Variants in GALNT17 observed in about 807,000 individuals in gnomAD.
The protein encoded by GALNT17 is UDP-GalNAc:polypeptide N-acetylgalactosaminyltransferase-like 3.
GALNT17 carries 29 observed loss-of-function variants against 63.7 expected under a neutral mutation model. That is an observed-to-expected ratio of 0.46 (90% CI 0.34 to 0.62). GALNT17 has a LOEUF of 0.62. GALNT17 is among the 20% of genes least tolerant of loss of function. The pLI, the probability that GALNT17 is intolerant of heterozygous loss-of-function variation, is 0.01. For missense variants in GALNT17, 603 were observed against 799.6 expected (o/e 0.75, Z 2.97); for synonymous variants, 305 against 318.3 (o/e 0.96, Z 0.45).
intron 6 of GALNT17, among the ~76,000 whole-genome samples, chr7:71,635,070 G>A (rs975220428): frequency 1.4e-4 from 22 of 151,812 alleles, no homozygotes; most frequent in Non-Finnish European, 2.8e-4. Flanking sequence ...AGCTGGGCAT[G>A]GTGGCAGGCG....
chr7:71,693,008 G>A (rs1274695656), intron 9 of GALNT17, among the ~76,000 whole-genome samples: 1 of 151,558 alleles, frequency 6.6e-6, no homozygotes, highest in Non-Finnish European at 1.5e-5. Flanking sequence ...CAAAGTGCAT[G>A]AGCCACCGCA....
chr7:71,239,299 C>CA (rs59708854), intron 1 of GALNT17, among the ~76,000 whole-genome samples: 14,227 of 119,088 alleles, frequency 0.12, 715 homozygotes, highest in African/African-American at 0.16. Context: ...GTCTGTACCC[C>CA]CCCCCAAAAA....
chr7:71,548,663 T>TC (rs1387816948), intron 5 of GALNT17, among the ~76,000 whole-genome samples: 1 of 152,188 alleles, frequency 6.6e-6, no homozygotes, highest in Non-Finnish European at 1.5e-5. Flanking sequence ...TCGTGAGGCC[T>TC]CCCCAGCCAT....
chr7:71,369,787 G>C (rs534612028), intron 2 of GALNT17, among the ~76,000 whole-genome samples: 1 of 143,648 alleles, frequency 7.0e-6, no homozygotes, highest in Non-Finnish European at 1.5e-5. Context: ...GCTCCAGCCT[G>C]GGTGACATAG....
intron 5 of GALNT17, among the ~76,000 whole-genome samples, chr7:71,563,645 G>C (rs1789292377): frequency 6.6e-6 from 1 of 152,030 alleles, no homozygotes; most frequent in South Asian, 2.1e-4. Context: ...CTGGAGTACA[G>C]TGGTGCAATT....
intron 6 of GALNT17, among the ~76,000 whole-genome samples, chr7:71,601,304 G>A (rs1453526109): frequency 1.3e-5 from 2 of 152,100 alleles, no homozygotes; most frequent in East Asian, 1.9e-4. Context: ...TAACAGTAGT[G>A]GGACTGCTGG....
intron 5 of GALNT17, among the ~76,000 whole-genome samples, chr7:71,508,831 C>T (rs1482661272): frequency 6.6e-6 from 1 of 152,142 alleles, no homozygotes; most frequent in African/African-American, 2.4e-5. Context: ...GCTGGTTTTG[C>T]AGTTTGCTTA....
chr7:71,382,992 T>C (rs1563052300), intron 2 of GALNT17, among the ~76,000 whole-genome samples: 2 of 152,146 alleles, frequency 1.3e-5, no homozygotes, highest in East Asian at 3.9e-4. Flanking sequence ...CTGCACCCAA[T>C]CACAATAATT....
At chr7:71,323,267 G>GT (rs1057143881) in intron 1 of GALNT17, among the ~76,000 whole-genome samples, 15 of 152,158 alleles carry the variant, frequency 9.9e-5, no homozygotes, top group Admixed American at 5.2e-4. Context: ...GGAATGCAGT[G>GT]TACCACAAGG....
In GALNT17 at chr7:71,377,108, A is replaced by ATATATAT. The variant is rs1491192562; in HGVS notation, c.423-11127_423-11126insTATATAT. ...CTCAAAAAAAAAAAAAAATAAAAAT[A>ATATATAT]AAAAAAATATATATATATATATATA... On this transcript the variant is annotated intron_variant, in intron 2 of 10. Coordinates refer to ENST00000333538, the MANE Select transcript of GALNT17 (RefSeq NM_022479.3). Among the ~76,000 whole-genome samples, 21 of 45,072 alleles carry ATATATAT rather than the reference A, an allele frequency of 4.7e-4. 2 individuals are homozygous for ATATATAT. Among genetic ancestry groups the ATATATAT allele is most frequent in the African/African-American group, 1.8e-3 (15 of 8,284 alleles). 29.6% of individuals were successfully genotyped at this position (45,072 alleles called of 152,430 possible).
intron 5 of GALNT17, among the ~76,000 whole-genome samples, chr7:71,474,761 C>T (rs1275207784): frequency 6.6e-6 from 1 of 152,178 alleles, no homozygotes; most frequent in African/African-American, 2.4e-5. Context: ...CCAAGATACC[C>T]ACATTCCAAT....
At chr7:71,677,139 T>G in intron 8 of GALNT17, 72 bp from the exon 9 acceptor site, 1 of 1,508,768 alleles carries the variant, frequency 6.6e-7, no homozygotes, top group Non-Finnish European at 9.2e-7. Flanking sequence ...CAAGCCATGG[T>G]AGAACAGTGA....
At chr7:71,501,119 C>T (rs1215358179) in intron 5 of GALNT17, among the ~76,000 whole-genome samples, 1 of 151,724 alleles carries the variant, frequency 6.6e-6, no homozygotes, top group African/African-American at 2.4e-5. Context: ...ACACGCGCTA[C>T]CACCATGCTC....
chr7:71,388,197 T>C (rs1296317842), intron 2 of GALNT17, 38 bp from the exon 3 acceptor site: 1 of 1,598,788 alleles, frequency 6.3e-7, no homozygotes, highest in Admixed American at 1.7e-5. Flanking sequence ...GCTTTTATCC[T>C]TCCTCTGACT....
At position 71,677,298 on chromosome 7, in the gene GALNT17, G is replaced by A. The variant is rs1379986687; in HGVS notation, c.1492G>A (p.Gly498Arg). The A allele has an allele frequency of 2.5e-6, 4 of 1,613,638 alleles. No individual in the cohort carries two copies. The highest frequency in any genetic ancestry group is 1.3e-5 in the African/African-American group (1 of 74,886). Residue 498 changes from glycine to arginine, a missense_variant, in exon 9 of 11, where the codon GGA (glycine) becomes AGA (arginine). Transcript: ENST00000333538. ...AATATTGTATCCGTGCCATGGCTGGGGACCACAGGTAGGAGCTCGTCTCTG... is the reference window on the plus strand; with the variant it reads ...AATATTGTATCCGTGCCATGGCTGGAGACCACAGGTAGGAGCTCGTCTCTG... ...TAILYPCHGW[G>R]PQLARYTKEG... is the part of the protein sequence containing the mutation.
At chr7:71,309,942 T>C (rs1283696665) in intron 1 of GALNT17, among the ~76,000 whole-genome samples, 2 of 152,172 alleles carry the variant, frequency 1.3e-5, no homozygotes, top group Non-Finnish European at 2.9e-5. Context: ...TGGGAGGTAA[T>C]TGAATCATGG....
At chr7:71,711,034 G>A (rs751956224) in intron 10 of GALNT17, 106 bp downstream of exon 10, 38 of 1,424,934 alleles carry the variant, frequency 2.7e-5, no homozygotes, top group African/African-American at 1.3e-4. Context: ...GAGCGACCCC[G>A]AACCCAGGTC....
intron 1 of GALNT17, among the ~76,000 whole-genome samples, chr7:71,160,527 C>T (rs1288828390): frequency 6.6e-6 from 1 of 152,122 alleles, no homozygotes; most frequent in Admixed American, 6.6e-5. Context: ...GGCACGATCT[C>T]AGCTCACAGC....
chr7:71,537,577 C>T (rs376472955), intron 5 of GALNT17, among the ~76,000 whole-genome samples: 3 of 152,144 alleles, frequency 2.0e-5, no homozygotes, highest in South Asian at 2.1e-4. Context: ...TTTGGGAGGC[C>T]GAGGCAGGCA....
Sources: gnomAD v4.1 joint callset for allele counts (sites outside exome capture counted in the v4.1 genomes callset) on GRCh38, gnomAD v4.1.1 for gene constraint, MANE v1.5 for transcripts, NCBI Gene and HGNC (gene_info 2026-07-23, HGNC 2026-07-21) for gene names.